The following OXR1 variants were observed in gnomAD, a reference collection of about 807,000 sequenced individuals.
OXR1 encodes oxidation resistance 1.
In OXR1, 41 loss-of-function variants were observed where a neutral mutation model predicts 104.6. The ratio of observed to expected loss-of-function variants is 0.39; its 90% CI spans 0.31 to 0.51. The LOEUF is 0.51. Among genes scored for constraint, OXR1 ranks in the 20% least tolerant of loss-of-function variants. The pLI, the probability that OXR1 is intolerant of heterozygous loss-of-function variation, is 0.77. For missense variants in OXR1, 955 were observed against 1,031.9 expected (o/e 0.93, Z 1.02); for synonymous variants, 348 against 348.4 (o/e 1.00, Z 0.01).
Position 106,430,691 on chromosome 8 carries a change from T to C in OXR1, c.23+71055T>C, listed in dbSNP as rs149959261. The stretch of plus-strand genomic sequence containing the variant: ...TGGAGAAAATAATAGAGCCTTCTTA[T>C]GAATACTAAACTCTCTAGTACCAGT... On this transcript the variant is annotated intron_variant, in intron 2 of 16. Transcript: ENST00000517566. 3.3e-4 allele frequency among the ~76,000 whole-genome samples: 51 copies of C among 152,326 alleles called. No homozygotes were observed. In the East Asian group the frequency reaches 5.2e-3, roughly 16 times the overall value.
rs554538501 is a variant in OXR1 at position 106,292,131 on chromosome 8, C to T, written c.-139+21764C>T. 3.3e-4 allele frequency among the ~76,000 whole-genome samples: 50 copies of T among 152,270 alleles called. 2 individuals carry two copies. In the South Asian group the frequency reaches 0.01, roughly 32 times the overall value. ...TATAGATCCTACCCACCCATAGCCT[C>T]AGTTATCATATCTATTGTTGCAGTA... On this transcript the variant is annotated intron_variant, in intron 1 of 16. Coordinates refer to ENST00000517566, the MANE Select transcript of OXR1 (RefSeq NM_001198533.2).
intron 3 of OXR1, among the ~76,000 whole-genome samples, chr8:106,535,314 G>T (rs1305011109): frequency 6.6e-6 from 1 of 152,096 alleles, no homozygotes; most frequent in Non-Finnish European, 1.5e-5. Context: ...GTACCTACAG[G>T]GCTTTCTACT....
intron 7 of OXR1, among the ~76,000 whole-genome samples, chr8:106,698,748 C>G (rs924703698): frequency 6.6e-6 from 1 of 152,090 alleles, no homozygotes; most frequent in Non-Finnish European, 1.5e-5. Flanking sequence ...TTTTCCATAT[C>G]CATACTGTGT....
At chr8:106,413,147 A>AT (rs1207425902) in intron 2 of OXR1, among the ~76,000 whole-genome samples, 27 of 151,498 alleles carry the variant, frequency 1.8e-4, no homozygotes, top group African/African-American at 4.4e-4. Flanking sequence ...AGAAAAAAAA[A>AT]ATATATATAG....
At chr8:106,358,462 A>T (rs1293140007) in intron 1 of OXR1, among the ~76,000 whole-genome samples, 2 of 152,174 alleles carry the variant, frequency 1.3e-5, no homozygotes, top group Non-Finnish European at 2.9e-5. Flanking sequence ...TGCCTTTATT[A>T]GAACACTTTC....
intron 6 of OXR1, among the ~76,000 whole-genome samples, chr8:106,684,801 TG>T (rs1828529859): frequency 6.6e-6 from 1 of 152,194 alleles, no homozygotes; most frequent in Non-Finnish European, 1.5e-5. Context: ...ATCCAAGAAT[TG>T]ACATAGTAGA....
At chr8:106,623,585 G>T (rs1358016319) in intron 3 of OXR1, among the ~76,000 whole-genome samples, 1 of 152,124 alleles carries the variant, frequency 6.6e-6, no homozygotes, top group Non-Finnish European at 1.5e-5. Flanking sequence ...ACAGCTGAAA[G>T]TGGGGCCTGG....
intron 3 of OXR1, among the ~76,000 whole-genome samples, chr8:106,601,720 C>T (rs1369880329): frequency 6.6e-6 from 1 of 152,114 alleles, no homozygotes; most frequent in African/African-American, 2.4e-5. Flanking sequence ...TTCCTCCTGC[C>T]TATGGGAATG....
chr8:106,515,030 C>CA (rs769580426), intron 2 of OXR1, among the ~76,000 whole-genome samples: 1 of 151,766 alleles, frequency 6.6e-6, no homozygotes, highest in Non-Finnish European at 1.5e-5. Context: ...TTTTGTATGT[C>CA]AAAAATGGTT....
chr8:106,461,029 G>A (rs1820880839), intron 2 of OXR1, among the ~76,000 whole-genome samples: 1 of 151,988 alleles, frequency 6.6e-6, no homozygotes, highest in Admixed American at 6.6e-5. Flanking sequence ...TAGCCTGAAG[G>A]AAAGAACACT....
intron 3 of OXR1, among the ~76,000 whole-genome samples, chr8:106,656,867 A>G (rs1045274951): frequency 6.6e-6 from 1 of 151,622 alleles, no homozygotes; most frequent in African/African-American, 2.4e-5. Context: ...CAGGAGGGAT[A>G]GTCTTTAGTA....
At chr8:106,380,666 G>A (rs1027537113) in intron 2 of OXR1, among the ~76,000 whole-genome samples, 1 of 152,140 alleles carries the variant, frequency 6.6e-6, no homozygotes, top group African/African-American at 2.4e-5. Context: ...TCATCCTAGT[G>A]GGTCTGTGTA....
At chr8:106,664,972 G>A (rs1826129248) in intron 3 of OXR1, among the ~76,000 whole-genome samples, 1 of 151,924 alleles carries the variant, frequency 6.6e-6, no homozygotes, top group African/African-American at 2.4e-5. Context: ...ATATATTTCT[G>A]GTCACAAAAA....
At chr8:106,654,434 A>G (rs1014201258) in intron 3 of OXR1, among the ~76,000 whole-genome samples, 1 of 152,074 alleles carries the variant, frequency 6.6e-6, no homozygotes, top group African/African-American at 2.4e-5. Context: ...ATGGGGGAAA[A>G]ATCATCTTTT....
intron 2 of OXR1, among the ~76,000 whole-genome samples, chr8:106,420,887 A>G (rs1393339762): frequency 6.6e-6 from 1 of 152,100 alleles, no homozygotes; most frequent in Non-Finnish European, 1.5e-5. Context: ...TAGATGACCT[A>G]CAATGAAGAC....
intron 1 of OXR1, among the ~76,000 whole-genome samples, chr8:106,284,909 T>A (rs1812433278): frequency 6.6e-6 from 1 of 152,192 alleles, no homozygotes; most frequent in Non-Finnish European, 1.5e-5. Flanking sequence ...GAGATACTGT[T>A]ACTGTAATTG....
intron 2 of OXR1, among the ~76,000 whole-genome samples, chr8:106,486,807 C>T (rs1432858046): frequency 1.3e-5 from 2 of 151,848 alleles, no homozygotes; most frequent in Non-Finnish European, 2.9e-5. Context: ...TATAGTACAG[C>T]AGTTAAATTC....
In OXR1 at chr8:106,700,286, G is replaced by GT. The variant is rs540557816; in HGVS notation, c.676-2619dup. On this transcript the variant is annotated intron_variant, in intron 7 of 16. Coordinates refer to ENST00000517566, the MANE Select transcript of OXR1 (RefSeq NM_001198533.2). The stretch of plus-strand genomic sequence containing the variant: ...AAAATAATGAGATGGGAGTGCTTTG[G>GT]TATAAGCTTATGATTTTCAACTTGA... Among the ~76,000 whole-genome samples the GT allele has an allele frequency of 3.3e-5, 5 of 152,194 alleles. No homozygotes were observed. The East Asian group carries it at 5.8e-4, about 18-fold the overall frequency.
intron 15 of OXR1, 60 bp from the exon 16 acceptor site, chr8:106,745,729 C>CT (rs1025301224): frequency 1.1e-5 from 9 of 814,410 alleles, no homozygotes; most frequent in Middle Eastern, 3.5e-4. Flanking sequence ...TTTTGGAGAA[C>CT]TAACTCTCTA....
Sources: allele counts gnomAD v4.1 joint callset (sites outside exome capture counted in the v4.1 genomes callset), GRCh38; gene constraint gnomAD v4.1.1; transcripts MANE v1.5; gene names NCBI Gene and HGNC (gene_info 2026-07-23, HGNC 2026-07-21).